Variants in TMEM38A observed in about 807,000 individuals in gnomAD.
TMEM38A encodes the protein trimeric intracellular cation channel type A.
A neutral mutation model predicts 28.6 loss-of-function variants in TMEM38A; 17 were observed. The ratio of observed to expected loss-of-function variants is 0.60; its 90% confidence interval spans 0.41 to 0.89. The LOEUF (loss-of-function observed/expected upper bound fraction) is 0.89, where lower values mean the gene tolerates loss of function less well. Among genes scored for constraint, TMEM38A ranks in the 40% least tolerant of loss-of-function variants. TMEM38A has a pLI of 0.00. For missense variants in TMEM38A, 328 were observed against 393.1 expected, an observed-to-expected ratio of 0.83 and a Z score of 1.40; for synonymous variants, 169 against 166.1, an observed-to-expected ratio of 1.02 and a Z score of -0.14.
intron 3 of TMEM38A, 169 bp downstream of exon 3, chr19:16,680,750 TG>T: frequency 1.6e-6 from 1 of 616,506 alleles, no homozygotes. Flanking sequence ...TTAGGGTAAA[TG>T]GGAAGATTCT....
At chr19:16,668,370 C>T (rs2086712138) in intron 1 of TMEM38A, among the ~76,000 whole-genome samples, 1 of 151,954 alleles carries the variant, frequency 6.6e-6, no homozygotes, top group Non-Finnish European at 1.5e-5. Context: ...CACAGTGAAA[C>T]CCTGTCTCTA....
chr19:16,672,446 A>ATTTTTTTTTTTTTTTTTTT (rs746189021), intron 1 of TMEM38A, among the ~76,000 whole-genome samples: 1 of 105,024 alleles, frequency 9.5e-6, no homozygotes, highest in Non-Finnish European at 1.8e-5. Flanking sequence ...AAAAAACCTC[A>ATTTTTTTTTTTTTTTTTTT]TTTTTTTTTT....
intron 1 of TMEM38A, among the ~76,000 whole-genome samples, chr19:16,674,342 C>T (rs1398153382): frequency 2.3e-5 from 3 of 131,516 alleles, no homozygotes; most frequent in African/African-American, 8.8e-5. Flanking sequence ...GAGCCGAGAT[C>T]ACACCACTGC....
chr19:16,662,944 T>C (rs189507943), intron 1 of TMEM38A, among the ~76,000 whole-genome samples: 64 of 152,108 alleles, frequency 4.2e-4, no homozygotes, highest in African/African-American at 1.5e-3. Flanking sequence ...GAAGAATTCT[T>C]GGTGGTTCAG....
At chr19:16,679,886 T>C in intron 1 of TMEM38A, 98 bp from the exon 2 acceptor site, 1 of 1,322,582 alleles carries the variant, frequency 7.6e-7, no homozygotes, top group Non-Finnish European at 1.0e-6. Context: ...CAGTGTTGGG[T>C]GGGCGCTCTG....
chr19:16,674,137 C>T (rs1034703142), intron 1 of TMEM38A, among the ~76,000 whole-genome samples: 2 of 151,676 alleles, frequency 1.3e-5, no homozygotes, highest in South Asian at 4.2e-4. Flanking sequence ...GTAATCCCAG[C>T]ACTTTGGGAG....
At chr19:16,666,159 T>G (rs2086702221) in intron 1 of TMEM38A, among the ~76,000 whole-genome samples, 1 of 152,068 alleles carries the variant, frequency 6.6e-6, no homozygotes, top group African/African-American at 2.4e-5. Flanking sequence ...TTTTGTATTT[T>G]TAGTAGAAAC....
In TMEM38A at chr19:16,688,188, C is replaced by T; in HGVS notation, c.717C>T (p.Ala239=). The change falls in exon 6 of 6, where the codon GCC becomes GCT. Residue 239 remains alanine (A), a synonymous_variant. Transcript: ENST00000187762. ...ACTCACACAGCTCCCCCTTTGATGC[C>T]CTGGAGGGCTACATCTGCCCCGTGC... ...ATHSHSSPFD[A]LEGYICPVLF... The T allele has an allele frequency of 1.3e-6, 2 of 1,497,504 alleles. No individual in the cohort carries two copies. The highest frequency in any genetic ancestry group is 2.5e-5 in the East Asian group (1 of 39,386). The allele number at this position is 1,497,504 out of a possible 1,614,324, so 92.8% of individuals were successfully genotyped here.
intron 3 of TMEM38A, 38 bp downstream of exon 3, chr19:16,680,619 G>A (rs377526120): frequency 1.7e-4 from 273 of 1,600,750 alleles, no homozygotes; most frequent in Admixed American, 7.2e-4. Flanking sequence ...CATCCCAGTG[G>A]AGAACTTTTG....
chr19:16,681,301 T>A (rs751413450), intron 3 of TMEM38A, among the ~76,000 whole-genome samples: 3 of 151,868 alleles, frequency 2.0e-5, no homozygotes, highest in African/African-American at 7.3e-5. Context: ...AAATTAAAAT[T>A]AAAAAATAAA....
rs764875792 is a variant in TMEM38A at position 16,680,430 on chromosome 19, C to T, written c.315C>T (p.Phe105=). ...TTTTCTTCTGCCCCCTGGACCTCTT[C>T]TACAAGTGTGTCTGCTTCCTGCCTG... ...YLIFFCPLDL[F]YKCVCFLPVK... The change falls in exon 3 of 6, where the codon TTC becomes TTT. Residue 105 remains phenylalanine (F), a synonymous_variant. Transcript: ENST00000187762. The T allele has an allele frequency of 1.9e-6, 3 of 1,614,176 alleles. No individual in the cohort carries two copies. In the South Asian group the frequency reaches 3.3e-5, roughly 18 times the overall value.
intron 1 of TMEM38A, among the ~76,000 whole-genome samples, chr19:16,668,569 G>C (rs1050291519): frequency 2.6e-5 from 4 of 151,496 alleles, no homozygotes; most frequent in African/African-American, 9.7e-5. Flanking sequence ...TGAACTCCTG[G>C]GCTCAGGAGA....
intron 4 of TMEM38A, among the ~76,000 whole-genome samples, chr19:16,683,713 G>A (rs1024557251): frequency 3.3e-5 from 5 of 152,128 alleles, no homozygotes; most frequent in African/African-American, 1.2e-4. Flanking sequence ...GCTCACGCCT[G>A]TAATCCCAGC....
intron 1 of TMEM38A, among the ~76,000 whole-genome samples, chr19:16,666,515 A>G (rs1047966280): frequency 1.3e-5 from 2 of 151,950 alleles, no homozygotes; most frequent in Non-Finnish European, 2.9e-5. Context: ...TGTGGCCTCC[A>G]ACTCCTGGGC....
At chr19:16,677,012 C>G (rs1253768869) in intron 1 of TMEM38A, among the ~76,000 whole-genome samples, 2 of 151,038 alleles carry the variant, frequency 1.3e-5, no homozygotes, top group African/African-American at 4.9e-5. Context: ...CCACCCACCT[C>G]GCCCTCCCAA....
intron 1 of TMEM38A, among the ~76,000 whole-genome samples, chr19:16,676,296 C>T (rs1445458557): frequency 6.6e-6 from 1 of 152,052 alleles, no homozygotes; most frequent in Non-Finnish European, 1.5e-5. Flanking sequence ...GCGGAGCTTG[C>T]AGTGATCTGA....
chr19:16,679,539 C>CA (rs11371111), intron 1 of TMEM38A, among the ~76,000 whole-genome samples: 14,583 of 152,000 alleles, frequency 0.096, 1,144 homozygotes, highest in African/African-American at 0.22. Context: ...GTGATTTGTC[C>CA]ACCTTGGACT....
At position 16,661,865 on chromosome 19, in the gene TMEM38A, C is replaced by G. The variant is rs1287557442; in HGVS notation, c.124+524C>G. Among the ~76,000 whole-genome samples, 1 of 152,088 alleles carries G rather than the reference C, an allele frequency of 6.6e-6. No individual in the cohort carries two copies. The highest frequency in any genetic ancestry group is 2.4e-5 in the African/African-American group (1 of 41,410). ...ACTGCCCAGCACCCTCCACTCCCCT[C>G]CCTTCCCCCACGGTGCTGAATCTCC... On this transcript the variant is annotated intron_variant, in intron 1 of 5. Transcript: ENST00000187762. This position sits in a 1 kb window ranked among gnomAD's most constrained non-coding sequence, Gnocchi z 6.5.
chr19:16,678,427 C>CA (rs58580381), intron 1 of TMEM38A, among the ~76,000 whole-genome samples: 7,512 of 64,104 alleles, frequency 0.12, 458 homozygotes, highest in African/African-American at 0.14. Flanking sequence ...GACTCTGTCT[C>CA]AAAAAAAAAA....
Sources: gnomAD v4.1 joint callset for allele counts (sites outside exome capture counted in the v4.1 genomes callset) on GRCh38, gnomAD v4.1.1 for gene constraint, Gnocchi (gnomAD v3.1) non-coding constraint, MANE v1.5 for transcripts, NCBI Gene and HGNC (gene_info 2026-07-23, HGNC 2026-07-21) for gene names.